PRELID2: variants seen among roughly 807,000 people sequenced by gnomAD.
PRELID2 encodes the protein PRELI domain containing 2.
In PRELID2, 25 loss-of-function variants were observed where a neutral mutation model predicts 28.4. The ratio of observed to expected loss-of-function variants is 0.88; its 90% CI spans 0.64 to 1.23. The LOEUF (loss-of-function observed/expected upper bound fraction) is 1.23, where lower values mean the gene tolerates loss of function less well. PRELID2 is among the 50% of genes most tolerant of loss of function. The probability of loss-of-function intolerance (pLI) is 0.00; values close to 1 mark genes in which losing one functional copy is unlikely to be tolerated. For synonymous variants in PRELID2, 76 were observed against 71.6 expected (o/e 1.06, Z -0.31); for missense variants, 201 against 214.4 (o/e 0.94, Z 0.39).
At chr5:145,424,644 C>G in the PRELID2 span, among the ~76,000 whole-genome samples, 1 of 152,130 alleles carries the variant, frequency 6.6e-6, no homozygotes, top group Non-Finnish European at 1.5e-5. Flanking sequence ...GTGAGATGAA[C>G]CCGGTACCTC....
At chr5:145,385,508 T>C in the PRELID2 span, among the ~76,000 whole-genome samples, 1 of 151,846 alleles carries the variant, frequency 6.6e-6, no homozygotes, top group Non-Finnish European at 1.5e-5. Flanking sequence ...AACTGACCAC[T>C]CTGTCTGATA....
At chr5:145,819,432 A>C (rs1754600213) in intron 3 of PRELID2, 1 of 1,556,740 alleles carries the variant, frequency 6.4e-7, no homozygotes, top group Admixed American at 1.8e-5. Flanking sequence ...GAGAGAAAAC[A>C]ATTTGCTATC....
the PRELID2 span, among the ~76,000 whole-genome samples, chr5:145,382,018 G>C: frequency 3.3e-5 from 5 of 151,450 alleles, no homozygotes; most frequent in East Asian, 3.9e-4. Flanking sequence ...TTAAAGTGGG[G>C]GGTAGTCATA....
Position 145,796,350 on chromosome 5 carries a change from T to C in PRELID2, c.474+92A>G, listed in dbSNP as rs1356954200. 6.0e-6 allele frequency: 4 copies of C among 670,692 alleles called. No individual in the cohort carries two copies. In the African/African-American group the frequency reaches 7.4e-5, roughly 12 times the overall value. The allele number at this position is 670,692 out of a possible 1,614,324, so 41.5% of individuals were successfully genotyped here. On this transcript the variant is annotated intron_variant, in intron 5 of 6. Transcript: ENST00000683046. ...GTTTATTAACTATATGTTTTTCTCA[T>C]TATGTCTGCTCATGAGTCTTATTCA...
intron 5 of PRELID2, among the ~76,000 whole-genome samples, chr5:145,775,703 A>G (rs1192177446): frequency 6.6e-6 from 1 of 152,234 alleles, no homozygotes; most frequent in African/African-American, 2.4e-5. Flanking sequence ...GAACAAAGTC[A>G]TCATTTCTTG....
the PRELID2 span, among the ~76,000 whole-genome samples, chr5:145,337,257 A>G: frequency 6.6e-6 from 1 of 152,044 alleles, no homozygotes; most frequent in Non-Finnish European, 1.5e-5. Context: ...ACAATAGAAA[A>G]GATCATCAAA....
the PRELID2 span, among the ~76,000 whole-genome samples, chr5:145,270,167 T>A: frequency 2.0e-5 from 3 of 151,546 alleles, no homozygotes; most frequent in Admixed American, 1.3e-4. Flanking sequence ...GCCACCACTT[T>A]AAAAAAAACT....
downstream of PRELID2, among the ~76,000 whole-genome samples, chr5:145,471,261 G>C (rs150351551): frequency 2.0e-5 from 3 of 152,168 alleles, no homozygotes; most frequent in Non-Finnish European, 2.9e-5. Context: ...TGTACATTCA[G>C]AACAACTTCA....
At chr5:145,293,796 T>C in the PRELID2 span, among the ~76,000 whole-genome samples, 2 of 152,312 alleles carry the variant, frequency 1.3e-5, no homozygotes, top group Admixed American at 6.5e-5. Flanking sequence ...AATGAGGCTA[T>C]GGTTACAAAG....
At chr5:145,295,650 G>A in the PRELID2 span, among the ~76,000 whole-genome samples, 1 of 152,204 alleles carries the variant, frequency 6.6e-6, no homozygotes, top group African/African-American at 2.4e-5. Flanking sequence ...GTTCTTTAGA[G>A]ATCTTAAGAC....
At chr5:145,656,483 C>T (rs1002927907) in intron 1 of PRELID2, among the ~76,000 whole-genome samples, 2 of 152,064 alleles carry the variant, frequency 1.3e-5, no homozygotes, top group African/African-American at 4.8e-5. Flanking sequence ...TTCACAGTAG[C>T]AAAGACTTGG....
the PRELID2 span, among the ~76,000 whole-genome samples, chr5:145,353,828 A>T: frequency 6.6e-6 from 1 of 152,166 alleles, no homozygotes; most frequent in Admixed American, 6.5e-5. Context: ...GGCAAACCAC[A>T]TCAAGGGGGA....
chr5:145,735,851 C>T (rs1466100625), intron 1 of PRELID2, among the ~76,000 whole-genome samples: 3 of 152,158 alleles, frequency 2.0e-5, no homozygotes, highest in African/African-American at 7.2e-5. Context: ...ATTGCAATTA[C>T]GTGTGAACTA....
intron 1 of PRELID2, among the ~76,000 whole-genome samples, chr5:145,567,121 T>C (rs1752973677): frequency 6.6e-6 from 1 of 152,166 alleles, no homozygotes; most frequent in Non-Finnish European, 1.5e-5. Flanking sequence ...AATATCTCTT[T>C]ATTTTCCCCA....
intron 1 of PRELID2, among the ~76,000 whole-genome samples, chr5:145,562,973 A>G (rs762772612): frequency 7.2e-5 from 11 of 152,200 alleles, no homozygotes; most frequent in African/African-American, 2.4e-4. Flanking sequence ...CCAAAAGAGC[A>G]TTCATGGATA....
the PRELID2 span, among the ~76,000 whole-genome samples, chr5:145,419,209 T>C: frequency 6.7e-6 from 1 of 149,448 alleles, no homozygotes; most frequent in African/African-American, 2.5e-5. Context: ...TGTGTCTTTA[T>C]AGCAGCATGA....
the PRELID2 span, among the ~76,000 whole-genome samples, chr5:145,438,547 T>C: frequency 1.2e-4 from 19 of 152,150 alleles, no homozygotes; most frequent in Non-Finnish European, 1.8e-4. Flanking sequence ...TCTCCGAATA[T>C]AAACTGTCAG....
the PRELID2 span, among the ~76,000 whole-genome samples, chr5:145,429,185 G>T: frequency 6.6e-6 from 1 of 152,196 alleles, no homozygotes. Flanking sequence ...GAAACCTATT[G>T]CAATAATGAA....
In PRELID2 at chr5:145,768,457, A is replaced by G. The variant is rs561897642; in HGVS notation, c.475-3457T>C. Among the ~76,000 whole-genome samples the G allele has an allele frequency of 1.6e-3, 239 of 152,304 alleles. 1 individual carries two copies. The highest frequency in any genetic ancestry group is 3.4e-3 in the Middle Eastern group (1 of 294). ...GATAGTTCCTGCCCCCATGGAGTTT[A>G]CAGTCTAGTAGATTCCAGAAAATTT... On this transcript the variant is annotated intron_variant, in intron 5 of 6. Transcript: ENST00000683046.
Sources: allele counts gnomAD v4.1 joint callset (sites outside exome capture counted in the v4.1 genomes callset), GRCh38; gene constraint gnomAD v4.1.1; transcripts MANE v1.5; gene names NCBI Gene and HGNC (gene_info 2026-07-23, HGNC 2026-07-21).